The following EYS variants were observed in gnomAD, a reference collection of about 807,000 sequenced individuals.
The protein encoded by EYS is EGF-like photoreceptor maintenance factor.
EYS carries 250 observed loss-of-function variants against 282.1 expected under a neutral mutation model. That is an observed-to-expected ratio of 0.89 (90% CI 0.80 to 0.98). The LOEUF (loss-of-function observed/expected upper bound fraction) is 0.98, where lower values mean the gene tolerates loss of function less well. EYS is among the 50% of genes least tolerant of loss of function. EYS has a pLI of 0.00. For missense variants in EYS, 4,016 were observed against 3,709.0 expected, an observed-to-expected ratio of 1.08 and a Z score of -2.15; for synonymous variants, 1,355 against 1,282.9, an observed-to-expected ratio of 1.06 and a Z score of -1.20.
intron 12 of EYS, among the ~76,000 whole-genome samples, chr6:65,135,349 G>GA (rs953263965): frequency 6.6e-6 from 1 of 151,042 alleles, no homozygotes; most frequent in Non-Finnish European, 1.5e-5. Context: ...ACTTTTTATT[G>GA]AAAAAAAATT....
rs1057037449 is a variant in EYS, at chr6:65,217,596, T to C, written c.2023+78267A>G. On this transcript the variant is annotated intron_variant, in intron 12 of 42. Transcript: ENST00000503581. ...AAGGGAGCTCCTTTAATTAGGGTAA[T>C]CACAGAAGGCATTTTTGAGGAAGTA... is the stretch of plus-strand genomic sequence containing the variant. Among the ~76,000 whole-genome samples the C allele has an allele frequency of 4.6e-5, 7 of 152,058 alleles. No individual in the cohort carries two copies. In the South Asian group the frequency reaches 1.0e-3, roughly 23 times the overall value.
intron 26 of EYS, among the ~76,000 whole-genome samples, chr6:64,452,461 C>T (rs1203248711): frequency 6.6e-6 from 1 of 152,158 alleles, no homozygotes; most frequent in Non-Finnish European, 1.5e-5. Context: ...TCAATGTCAT[C>T]TCTATCAAGC....
chr6:64,548,828 TA>T (rs5876907), intron 26 of EYS, among the ~76,000 whole-genome samples: 15,092 of 147,212 alleles, frequency 0.1, 877 homozygotes, highest in Non-Finnish European at 0.14. Flanking sequence ...TAAAGTATAA[TA>T]AAAAAAAAAG....
intron 14 of EYS, among the ~76,000 whole-genome samples, chr6:64,970,345 G>C (rs1583344868): frequency 6.6e-6 from 1 of 152,158 alleles, no homozygotes; most frequent in Admixed American, 6.5e-5. Context: ...TTACAGGCAT[G>C]GGCTCCTATG....
At chr6:65,499,621 T>A (rs1190290307) in intron 2 of EYS, among the ~76,000 whole-genome samples, 1 of 152,024 alleles carries the variant, frequency 6.6e-6, no homozygotes, top group African/African-American at 2.4e-5. Flanking sequence ...AAAGTTCTCA[T>A]AATTTATGCC....
chr6:64,822,519 A>G lies in EYS; in HGVS notation c.3164+132T>C. The G allele has an allele frequency of 5.4e-6, 4 of 734,486 alleles. No homozygotes were observed. In the East Asian group the frequency reaches 1.1e-4, roughly 21 times the overall value. The allele number at this position is 734,486 out of a possible 1,614,324, so 45.5% of individuals were successfully genotyped here. A position where few individuals can be genotyped will look rare whatever the true frequency, so the allele number is the denominator to read the frequency against. ...TAAAACTGGCAGCATCTGTCATCTT[A>G]AATGTACTTAGCTCTTGTTTTATGA... On this transcript the variant is annotated intron_variant, in intron 20 of 42. Transcript: ENST00000503581.
chr6:64,282,567 A>C (rs1768346509), intron 30 of EYS, among the ~76,000 whole-genome samples: 1 of 152,170 alleles, frequency 6.6e-6, no homozygotes, highest in Non-Finnish European at 1.5e-5. Flanking sequence ...CTTCCAGCTG[A>C]GGTTTTTCCT....
At chr6:64,694,859 C>T (rs112963662) in intron 22 of EYS, among the ~76,000 whole-genome samples, 1 of 152,110 alleles carries the variant, frequency 6.6e-6, no homozygotes, top group African/African-American at 2.4e-5. Context: ...GGTCTGAAGA[C>T]AAACTGCTTG....
chr6:65,669,676 A>AT (rs1768318482), intron 1 of EYS, among the ~76,000 whole-genome samples: 1 of 151,990 alleles, frequency 6.6e-6, no homozygotes, highest in African/African-American at 2.4e-5. Context: ...TCACCATTAA[A>AT]TGAGTCCTTA....
At chr6:64,192,917 T>A (rs952253083) in intron 31 of EYS, among the ~76,000 whole-genome samples, 2 of 152,348 alleles carry the variant, frequency 1.3e-5, no homozygotes, top group African/African-American at 4.8e-5. Flanking sequence ...AACTCTTCAA[T>A]AAATCATGTT....
chr6:64,743,750 T>C (rs1364022346), intron 22 of EYS, among the ~76,000 whole-genome samples: 1 of 152,160 alleles, frequency 6.6e-6, no homozygotes, highest in African/African-American at 2.4e-5. Context: ...ACTATCACAT[T>C]ACATAAGGGT....
chr6:64,404,378 AGAGTGTGTGTGTGTGTGT>A (rs777699850), intron 28 of EYS, among the ~76,000 whole-genome samples: 49 of 142,762 alleles, frequency 3.4e-4, no homozygotes, highest in Middle Eastern at 3.5e-3. Context: ...ATAGAGTGTG[AGAGTGTGTGTGTGTGTGT>A]GTGTGTGTGT....
intron 28 of EYS, among the ~76,000 whole-genome samples, chr6:64,424,479 A>T (rs1167723280): frequency 6.6e-6 from 1 of 152,370 alleles, no homozygotes; most frequent in Admixed American, 6.5e-5. Flanking sequence ...GCAGTTAGAC[A>T]GCCTAGCGAC....
rs145511436 is a variant in EYS at position 65,074,068 on chromosome 6, T to G, written c.2024-16341A>C. ...ATAAGAGTGCATTACCTTGTTCATC[T>G]TATAATAACTTATTAAGATAGTATT... On this transcript the variant is annotated intron_variant, in intron 12 of 42. Coordinates refer to ENST00000503581, the MANE Select transcript of EYS (RefSeq NM_001142800.2). Among the ~76,000 whole-genome samples the G allele has an allele frequency of 5.4e-3, 827 of 152,190 alleles. 7 individuals are homozygous for G. The highest frequency in any genetic ancestry group is 8.1e-3 in the Non-Finnish European group (554 of 67,986).
intron 34 of EYS, among the ~76,000 whole-genome samples, chr6:63,991,495 A>T (rs1767600419): frequency 6.6e-6 from 1 of 151,670 alleles, no homozygotes; most frequent in South Asian, 2.1e-4. Flanking sequence ...TGAAACTATC[A>T]AAAAAGAGAA....
chr6:65,382,397 G>A (rs967318407), intron 8 of EYS, among the ~76,000 whole-genome samples: 2 of 147,344 alleles, frequency 1.4e-5, no homozygotes, highest in African/African-American at 2.5e-5. Context: ...TTATCTTAGT[G>A]TTTCTGAGGG....
chr6:65,039,466 A>G (rs950083031), intron 13 of EYS, among the ~76,000 whole-genome samples: 2 of 151,424 alleles, frequency 1.3e-5, no homozygotes, highest in African/African-American at 2.4e-5. Flanking sequence ...TGGCCATTAT[A>G]TGTTTATACA....
In EYS at chr6:64,041,056, T is replaced by C. The variant is rs148526912; in HGVS notation, c.6725+25282A>G. ...TTTAAACATGGTCATTTACTAAGCATGGGTAGTGTGTTTGTAATTTTAGAT... is the reference window on the plus strand; with the variant it reads ...TTTAAACATGGTCATTTACTAAGCACGGGTAGTGTGTTTGTAATTTTAGAT... On this transcript the variant is annotated intron_variant, in intron 33 of 42. Transcript: ENST00000503581. Among the ~76,000 whole-genome samples the C allele has an allele frequency of 3.7e-3, 561 of 152,302 alleles. 5 individuals are homozygous for C. The highest frequency in any genetic ancestry group is 0.013 in the African/African-American group (527 of 41,570).
intron 35 of EYS, among the ~76,000 whole-genome samples, chr6:63,903,674 C>A (rs1375561557): frequency 6.6e-6 from 1 of 152,128 alleles, no homozygotes; most frequent in Admixed American, 6.6e-5. Flanking sequence ...CTTTTCTACC[C>A]CTAGGATGTA....
Sources: gnomAD v4.1 joint callset for allele counts (sites outside exome capture counted in the v4.1 genomes callset) on GRCh38, gnomAD v4.1.1 for gene constraint, MANE v1.5 for transcripts, NCBI Gene and HGNC (gene_info 2026-07-23, HGNC 2026-07-21) for gene names.